The following BTRC variants were observed in gnomAD, a reference collection of about 807,000 sequenced individuals.
The protein encoded by BTRC is F-box/WD repeat-containing protein 1A.
Under a neutral mutation model 85.5 loss-of-function variants are expected in BTRC, and 42 were observed. That is an observed-to-expected ratio of 0.49 (90% confidence interval 0.38 to 0.64). The LOEUF (loss-of-function observed/expected upper bound fraction) is 0.64, where lower values mean the gene tolerates loss of function less well. Among genes scored for constraint, BTRC ranks in the 30% least tolerant of loss-of-function variants. The pLI, the probability that BTRC is intolerant of heterozygous loss-of-function variation, is 0.00. For synonymous variants in BTRC, 255 were observed against 263.3 expected, an observed-to-expected ratio of 0.97 and a Z score of 0.30; for missense variants, 594 against 743.5, an observed-to-expected ratio of 0.80 and a Z score of 2.34.
At chr10:101,392,044 A>C (rs181866189) in intron 1 of BTRC, among the ~76,000 whole-genome samples, 133 of 152,220 alleles carry the variant, frequency 8.7e-4, no homozygotes, top group Non-Finnish European at 4.9e-4. Context: ...CAGTGCCGCT[A>C]TCTCAGCTCA....
intron 1 of BTRC, among the ~76,000 whole-genome samples, chr10:101,384,019 A>C (rs1322688754): frequency 6.6e-6 from 1 of 152,166 alleles, no homozygotes; most frequent in Non-Finnish European, 1.5e-5. Flanking sequence ...TGCCCTGTCT[A>C]GGTTATTGTA....
At chr10:101,500,010 A>G (rs1438440050) in intron 4 of BTRC, among the ~76,000 whole-genome samples, 2 of 151,502 alleles carry the variant, frequency 1.3e-5, no homozygotes, top group African/African-American at 4.9e-5. Flanking sequence ...TGGCCATCTG[A>G]TCATGAGCTC....
chr10:101,437,102 A>G (rs963979905), intron 2 of BTRC, among the ~76,000 whole-genome samples: 15 of 152,188 alleles, frequency 9.9e-5, no homozygotes, highest in African/African-American at 3.4e-4. Context: ...TCTGTGTAGC[A>G]CAATTTCTGT....
Position 101,534,645 on chromosome 10 carries a change from C to CATA in BTRC, c.1098-14_1098-13insAAT. 6.2e-7 allele frequency: 1 copy of CATA among 1,613,864 alleles called. No individual in the cohort carries two copies. The highest frequency in any genetic ancestry group is 1.1e-5 in the South Asian group (1 of 91,046). On this transcript the variant is annotated splice_polypyrimidine_tract_variant and intron_variant, in intron 9 of 14. Coordinates refer to ENST00000370187, the MANE Select transcript of BTRC (RefSeq NM_033637.4). ...TGTAGCTTGAGTACCATCTAAATCT[C>CATA]ATCTATCACTTCCAGAGTGTGGGAT...
At chr10:101,535,185 C>T (rs1319034115) in intron 10 of BTRC, among the ~76,000 whole-genome samples, 169 bp from the exon 11 acceptor site, 1 of 152,148 alleles carries the variant, frequency 6.6e-6, no homozygotes, top group East Asian at 1.9e-4. Context: ...CAGCCAACTG[C>T]AAATTAGCCT....
intron 2 of BTRC, among the ~76,000 whole-genome samples, chr10:101,451,193 G>A (rs1944947179): frequency 6.6e-6 from 1 of 152,126 alleles, no homozygotes; most frequent in Non-Finnish European, 1.5e-5. Context: ...AGTATTAAAA[G>A]AACAGAAAAC....
intron 2 of BTRC, among the ~76,000 whole-genome samples, chr10:101,457,221 A>G (rs945101895): frequency 2.6e-4 from 39 of 152,196 alleles, no homozygotes; most frequent in African/African-American, 8.7e-4. Flanking sequence ...TAAAATGTCT[A>G]TGTGATGAGA....
chr10:101,385,066 G>A (rs1259794461), intron 1 of BTRC, among the ~76,000 whole-genome samples: 1 of 151,926 alleles, frequency 6.6e-6, no homozygotes, highest in East Asian at 1.9e-4. Flanking sequence ...TCTACAAACA[G>A]AACAAAACAG....
At chr10:101,542,314 A>C (rs2062480732) in intron 13 of BTRC, among the ~76,000 whole-genome samples, 1 of 152,028 alleles carries the variant, frequency 6.6e-6, no homozygotes, top group African/African-American at 2.4e-5. Context: ...TTAAGGTAGA[A>C]ACTAAGATCA....
chr10:101,475,646 C>T (rs910967559), intron 3 of BTRC, among the ~76,000 whole-genome samples: 16 of 151,808 alleles, frequency 1.1e-4, no homozygotes, highest in Non-Finnish European at 1.8e-4. Flanking sequence ...TATTTTCTTT[C>T]CAAAGAATGA....
intron 1 of BTRC, among the ~76,000 whole-genome samples, chr10:101,407,811 C>G (rs1387183522): frequency 6.6e-6 from 1 of 151,918 alleles, no homozygotes; most frequent in Admixed American, 6.6e-5. Context: ...CAACCTCCAC[C>G]TCCCAGGTTC....
At chr10:101,366,882 A>G (rs868228950) in intron 1 of BTRC, among the ~76,000 whole-genome samples, 2,712 of 18,048 alleles carry the variant, frequency 0.15, 575 homozygotes, top group South Asian at 0.3. Context: ...ATATATTTAT[A>G]TATATTTATA....
At chr10:101,545,083 A>T (rs2062539129) in intron 13 of BTRC, among the ~76,000 whole-genome samples, 1 of 151,796 alleles carries the variant, frequency 6.6e-6, no homozygotes, top group African/African-American at 2.4e-5. Context: ...CTAGATTGAC[A>T]GTGTCTTTCA....
At chr10:101,551,022 A>G (rs909767119) in intron 14 of BTRC, 131 bp downstream of exon 14, 11 of 813,578 alleles carry the variant, frequency 1.4e-5, no homozygotes, top group Non-Finnish European at 1.9e-5. Context: ...GAAGCAGACA[A>G]TGTGAGACAG....
At chr10:101,363,864 TG>T (rs1942287151) in intron 1 of BTRC, among the ~76,000 whole-genome samples, 1 of 152,160 alleles carries the variant, frequency 6.6e-6, no homozygotes, top group African/African-American at 2.4e-5. Context: ...AAATTACCGA[TG>T]AAGTGCAGTA....
intron 4 of BTRC, among the ~76,000 whole-genome samples, chr10:101,501,690 C>T (rs1946404469): frequency 6.6e-6 from 1 of 152,158 alleles, no homozygotes; most frequent in African/African-American, 2.4e-5. Context: ...ACTTAAACCA[C>T]TCCCAGGTAA....
chr10:101,465,730 G>A (rs965432266), intron 3 of BTRC, among the ~76,000 whole-genome samples: 2 of 152,108 alleles, frequency 1.3e-5, no homozygotes, highest in African/African-American at 4.8e-5. Flanking sequence ...TAATGAAGGT[G>A]GAAATTAAGA....
intron 5 of BTRC, among the ~76,000 whole-genome samples, chr10:101,525,565 T>G (rs907971512): frequency 1.3e-5 from 2 of 152,140 alleles, no homozygotes; most frequent in African/African-American, 2.4e-5. Context: ...TAAAGGACAT[T>G]TCTTTTACCG....
At chr10:101,438,462 A>G (rs1944595365) in intron 2 of BTRC, among the ~76,000 whole-genome samples, 1 of 143,594 alleles carries the variant, frequency 7.0e-6, no homozygotes, top group African/African-American at 2.6e-5. Context: ...TCTTCTCATT[A>G]GCAATATAAG....
Sources: gnomAD v4.1 joint callset for allele counts (sites outside exome capture counted in the v4.1 genomes callset) on GRCh38, gnomAD v4.1.1 for gene constraint, MANE v1.5 for transcripts, NCBI Gene and HGNC (gene_info 2026-07-23, HGNC 2026-07-21) for gene names.